ZFPM2: variants seen among roughly 807,000 people sequenced by gnomAD.
The protein encoded by ZFPM2 is zinc finger protein, FOG family member 2, also known as zinc finger protein ZFPM2.
A neutral mutation model predicts 98.6 loss-of-function variants in ZFPM2; 20 were observed. That is an observed-to-expected ratio of 0.20 (90% CI 0.14 to 0.29). The LOEUF (loss-of-function observed/expected upper bound fraction) is 0.29. ZFPM2 is among the 10% of genes least tolerant of loss of function. The probability of loss-of-function intolerance (pLI) is 1.00; values close to 1 mark genes in which losing one functional copy is unlikely to be tolerated. For synonymous variants in ZFPM2, 518 were observed against 502.7 expected (o/e 1.03, Z -0.41); for missense variants, 1,310 against 1,388.6 (o/e 0.94, Z 0.90).
intron 5 of ZFPM2, among the ~76,000 whole-genome samples, chr8:105,723,348 G>A (rs1811717046): frequency 1.3e-5 from 2 of 151,726 alleles, no homozygotes; most frequent in South Asian, 2.1e-4. Context: ...TCCAGACTTC[G>A]TGACGTTCTG....
At chr8:105,420,800 C>G (rs1216611274) in intron 2 of ZFPM2, among the ~76,000 whole-genome samples, 1 of 151,924 alleles carries the variant, frequency 6.6e-6, no homozygotes, top group African/African-American at 2.4e-5. Context: ...TGTAGAAGAC[C>G]TACCTTATGT....
At chr8:105,402,934 G>A (rs1216435335) in intron 1 of ZFPM2, among the ~76,000 whole-genome samples, 1 of 152,000 alleles carries the variant, frequency 6.6e-6, no homozygotes, top group Non-Finnish European at 1.5e-5. Flanking sequence ...AGAGTTAACT[G>A]AATATCATGT....
At chr8:105,699,713 A>G (rs1811097741) in intron 5 of ZFPM2, among the ~76,000 whole-genome samples, 1 of 152,126 alleles carries the variant, frequency 6.6e-6, no homozygotes. Context: ...TATTTTGTGC[A>G]TGGTTGCAAA....
intron 5 of ZFPM2, among the ~76,000 whole-genome samples, chr8:105,682,861 A>T (rs1297170322): frequency 8.5e-5 from 13 of 152,160 alleles, no homozygotes; most frequent in Non-Finnish European, 1.9e-4. Context: ...GTGGCACAAG[A>T]GTCAGTTCAG....
chr8:105,761,149 A>G (rs573455151), intron 5 of ZFPM2, among the ~76,000 whole-genome samples: 1 of 152,164 alleles, frequency 6.6e-6, no homozygotes, highest in South Asian at 2.1e-4. Flanking sequence ...TTTCATCTGC[A>G]GAGATCCGCT....
At chr8:105,739,945 AC>A (rs1289574683) in intron 5 of ZFPM2, among the ~76,000 whole-genome samples, 4 of 151,326 alleles carry the variant, frequency 2.6e-5, no homozygotes, top group Admixed American at 6.6e-5. Context: ...CTTCCTTAAA[AC>A]CCCCCTTTTC....
At chr8:105,478,392 C>T (rs1467680929) in intron 3 of ZFPM2, among the ~76,000 whole-genome samples, 1 of 152,180 alleles carries the variant, frequency 6.6e-6, no homozygotes, top group Admixed American at 6.5e-5. Flanking sequence ...ACTTATCCAA[C>T]TTTATAGGAA....
intron 1 of ZFPM2, among the ~76,000 whole-genome samples, chr8:105,378,539 A>T (rs1409466168): frequency 6.6e-6 from 1 of 152,170 alleles, no homozygotes; most frequent in Non-Finnish European, 1.5e-5. Flanking sequence ...GCTCTGTTCC[A>T]CATAATTTTC....
chr8:105,387,824 C>G (rs1446920404), intron 1 of ZFPM2: 2 of 152,544 alleles, frequency 1.3e-5, no homozygotes, highest in African/African-American at 4.8e-5. Context: ...GCAAGGGCTG[C>G]GAGCGCTGCC....
intron 5 of ZFPM2, among the ~76,000 whole-genome samples, chr8:105,744,635 A>G (rs1484802745): frequency 1.7e-5 from 2 of 116,450 alleles, no homozygotes; most frequent in Admixed American, 9.8e-5. Context: ...GTGTATGTAT[A>G]TTAGAAGAGG....
chr8:105,435,953 AGAAGAT>A (rs1812111164), intron 2 of ZFPM2, among the ~76,000 whole-genome samples: 1 of 152,240 alleles, frequency 6.6e-6, no homozygotes, highest in Non-Finnish European at 1.5e-5. Flanking sequence ...AGATAAAGTT[AGAAGAT>A]GAAGGGTCTA....
Position 105,802,861 on chromosome 8 carries a change from C to A in ZFPM2, c.2779C>A (p.Pro927Thr). The A allele has an allele frequency of 6.2e-7, 1 of 1,613,702 alleles. No homozygotes were observed. The highest frequency in any genetic ancestry group is 8.5e-7 in the Non-Finnish European group (1 of 1,179,822). ...EKNGNLKQPSPNGNLFSSHLA... is the reference protein window; with the variant it reads ...EKNGNLKQPSTNGNLFSSHLA... ...AAATGGGAATTTGAAGCAGCCTTCCCCCAATGGAAACTTATTTTCATCCCA... is the reference window on the plus strand; with the variant it reads ...AAATGGGAATTTGAAGCAGCCTTCCACCAATGGAAACTTATTTTCATCCCA... Residue 927 changes from proline (P) to threonine (T), a missense_variant, in exon 8 of 8, where the codon CCC (proline) becomes ACC (threonine). Pro to Thr is a conservative substitution (Grantham distance 38, BLOSUM62 -1). Transcript: ENST00000407775.
At chr8:105,426,439 C>G (rs528927465) in intron 2 of ZFPM2, among the ~76,000 whole-genome samples, 2 of 152,056 alleles carry the variant, frequency 1.3e-5, no homozygotes, top group Admixed American at 1.3e-4. Context: ...ATTGAACAGC[C>G]CCCAGCTTTG....
chr8:105,775,529 T>G (rs1419279611), intron 5 of ZFPM2, among the ~76,000 whole-genome samples: 1 of 152,170 alleles, frequency 6.6e-6, no homozygotes. Flanking sequence ...TAAAGACAAT[T>G]ACAGTTAGGG....
intron 3 of ZFPM2, among the ~76,000 whole-genome samples, chr8:105,490,269 C>T (rs1199166971): frequency 6.6e-6 from 1 of 152,010 alleles, no homozygotes; most frequent in Non-Finnish European, 1.5e-5. Context: ...AAATGATATC[C>T]TAGCAAGTTT....
In ZFPM2 at chr8:105,318,896, GACCGCGGGC is replaced by G; in HGVS notation, c.-37_-29del. On this transcript the variant is annotated 5_prime_UTR_variant, in exon 1 of 8. Transcript: ENST00000407775. ...CGGGAGCCGAGGGAGCGGCAGCCGCGACCGCGGGCACCGCGGGAGCCCCAGCGGCAGCAG... is the reference window on the plus strand; with the variant it reads ...CGGGAGCCGAGGGAGCGGCAGCCGCGACCGCGGGAGCCCCAGCGGCAGCAG... 2.4e-6 allele frequency: 3 copies of G among 1,267,644 alleles called. No individual in the cohort carries two copies. Among genetic ancestry groups the G allele is most frequent in the Non-Finnish European group, 3.1e-6 (3 of 979,908 alleles). 78.5% of individuals were successfully genotyped at this position (1,267,644 alleles called of 1,614,324 possible). A position where few individuals can be genotyped will look rare whatever the true frequency, so the allele number is the denominator to read the frequency against.
chr8:105,514,017 T>TC (rs1450824260), intron 3 of ZFPM2, among the ~76,000 whole-genome samples: 2 of 151,240 alleles, frequency 1.3e-5, no homozygotes, highest in Non-Finnish European at 2.9e-5. Flanking sequence ...TTTTTTTTTT[T>TC]CCCAAGATTA....
intron 4 of ZFPM2, among the ~76,000 whole-genome samples, chr8:105,620,893 C>G (rs777699468): frequency 6.6e-6 from 1 of 152,056 alleles, no homozygotes; most frequent in Non-Finnish European, 1.5e-5. Context: ...TGGTCTATAT[C>G]TCTGTTTTGG....
chr8:105,556,452 T>C (rs1342667934), intron 3 of ZFPM2, among the ~76,000 whole-genome samples: 1 of 152,176 alleles, frequency 6.6e-6, no homozygotes, highest in East Asian at 1.9e-4. Flanking sequence ...ACAGCAACCT[T>C]TTTAGAAAGC....
Sources: gnomAD v4.1 joint callset for allele counts (sites outside exome capture counted in the v4.1 genomes callset) on GRCh38, gnomAD v4.1.1 for gene constraint, MANE v1.5 for transcripts, NCBI Gene and HGNC (gene_info 2026-07-23, HGNC 2026-07-21) for gene names.